The following AK5 variants were observed in gnomAD, a reference collection of about 807,000 sequenced individuals.
AK5 encodes adenylate kinase isoenzyme 5.
Under a neutral mutation model 69.5 loss-of-function variants are expected in AK5, and 27 were observed. The observed-to-expected ratio is 0.39, with a 90% CI of 0.29 to 0.54. AK5 has a LOEUF of 0.54. AK5 is among the 20% of genes least tolerant of loss of function. The probability of loss-of-function intolerance (pLI) is 0.71; values close to 1 mark genes in which losing one functional copy is unlikely to be tolerated. For missense variants in AK5, 531 were observed against 700.4 expected (o/e 0.76, Z 2.73); for synonymous variants, 260 against 244.4 (o/e 1.06, Z -0.60).
intron 6 of AK5, among the ~76,000 whole-genome samples, chr1:77,409,759 TC>T (rs1383328525): frequency 1.3e-5 from 2 of 152,238 alleles, no homozygotes; most frequent in African/African-American, 4.8e-5. Flanking sequence ...ATCCCACTTG[TC>T]AATTTTTGCT....
intron 5 of AK5, among the ~76,000 whole-genome samples, chr1:77,307,855 A>G (rs937030847): frequency 6.6e-6 from 1 of 152,194 alleles, no homozygotes; most frequent in African/African-American, 2.4e-5. Flanking sequence ...TTTCAGCAAT[A>G]TGAAGTTAAA....
At chr1:77,489,795 T>C (rs572812192) in intron 10 of AK5, among the ~76,000 whole-genome samples, 1 of 152,194 alleles carries the variant, frequency 6.6e-6, no homozygotes, top group Non-Finnish European at 1.5e-5. Context: ...AGGTCCAGAC[T>C]TCTTAGACTG....
intron 10 of AK5, among the ~76,000 whole-genome samples, chr1:77,504,386 A>G (rs1656907622): frequency 6.6e-6 from 1 of 152,036 alleles, no homozygotes; most frequent in Non-Finnish European, 1.5e-5. Flanking sequence ...CTGGGAATGA[A>G]TACTATTAGT....
At position 77,486,556 on chromosome 1, in the gene AK5, G is replaced by A. The variant is rs574662659; in HGVS notation, c.1147+204G>A. ...TAAAAATACAAAAAAAAATTAGCCG[G>A]GCATGGTGGCGGGCGCCTGTAGTCC... On this transcript the variant is annotated intron_variant, in intron 10 of 13. Transcript: ENST00000354567. 5.8e-4 allele frequency among the ~76,000 whole-genome samples: 88 copies of A among 151,856 alleles called. 1 individual carries two copies. The South Asian group carries it at 0.018, about 31-fold the overall frequency.
At chr1:77,429,759 G>C (rs575816794) in intron 8 of AK5, among the ~76,000 whole-genome samples, 1 of 152,108 alleles carries the variant, frequency 6.6e-6, no homozygotes. Context: ...GCACCTGGCG[G>C]GCAAGAGATT....
At chr1:77,476,977 CT>C (rs1449706615) in intron 8 of AK5, among the ~76,000 whole-genome samples, 1 of 148,630 alleles carries the variant, frequency 6.7e-6, no homozygotes, top group Non-Finnish European at 1.5e-5. Context: ...AGGAAATAGC[CT>C]GATCTATTTT....
chr1:77,315,677 A>G (rs1660208151), intron 5 of AK5, among the ~76,000 whole-genome samples: 2 of 152,154 alleles, frequency 1.3e-5, no homozygotes, highest in South Asian at 4.1e-4. Flanking sequence ...ATCACAAAAT[A>G]TGTAGCTCCT....
At chr1:77,301,417 G>A (rs187613412) in intron 5 of AK5, among the ~76,000 whole-genome samples, 4 of 152,208 alleles carry the variant, frequency 2.6e-5, no homozygotes, top group African/African-American at 7.2e-5. Context: ...TGAGAGGAAG[G>A]CCGGGAAGTA....
In AK5 at chr1:77,522,531, CG is replaced by C. The variant is rs368339930; in HGVS notation, c.1428+593del. On this transcript the variant is annotated intron_variant, in intron 12 of 13. Coordinates refer to ENST00000354567, the MANE Select transcript of AK5 (RefSeq NM_174858.3). ...AAGTAGGGCTGCCCTTACAAGAAGA[CG>C]GGGGAATGGGTGCTGGACAGGCAGA... Among the ~76,000 whole-genome samples the C allele has an allele frequency of 3.7e-3, 568 of 152,236 alleles. 6 individuals are homozygous for C. The highest frequency in any genetic ancestry group is 0.013 in the African/African-American group (548 of 41,528).
chr1:77,353,311 C>T (rs1662313753), intron 6 of AK5, among the ~76,000 whole-genome samples: 1 of 151,932 alleles, frequency 6.6e-6, no homozygotes, highest in Non-Finnish European at 1.5e-5. Flanking sequence ...AATCCTGTCT[C>T]TACTAAAAAT....
rs1658889327 is a variant in AK5, at chr1:77,294,736, TCACAAGGAATA to T, written c.415+777_415+787del. ...ATGGAATTATCGGCCCCATGACATT[TCACAAGGAATA>T]TAAAATGAAAATGTTTTAAATATTT... On this transcript the variant is annotated intron_variant, in intron 3 of 13. Transcript: ENST00000354567. 5.9e-5 allele frequency among the ~76,000 whole-genome samples: 9 copies of T among 152,282 alleles called. No homozygotes were observed. The South Asian group carries it at 1.9e-3, about 32-fold the overall frequency.
intron 9 of AK5, among the ~76,000 whole-genome samples, chr1:77,485,691 G>A (rs1570239305): frequency 2.0e-5 from 3 of 152,324 alleles, no homozygotes; most frequent in Admixed American, 2.0e-4. Context: ...AACTGAGATA[G>A]TTAGGATGAT....
At chr1:77,501,883 A>G (rs1656741940) in intron 10 of AK5, among the ~76,000 whole-genome samples, 1 of 152,204 alleles carries the variant, frequency 6.6e-6, no homozygotes, top group Non-Finnish European at 1.5e-5. Flanking sequence ...AAAATCAGAG[A>G]CTGTGCCTAT....
intron 6 of AK5, among the ~76,000 whole-genome samples, chr1:77,345,058 G>T (rs1051896648): frequency 3.3e-5 from 5 of 150,484 alleles, no homozygotes; most frequent in African/African-American, 4.9e-5. Flanking sequence ...TCAAAACTTT[G>T]TGCCATTAGA....
chr1:77,467,077 G>T (rs116666188), intron 8 of AK5, among the ~76,000 whole-genome samples: 1 of 152,192 alleles, frequency 6.6e-6, no homozygotes, highest in African/African-American at 2.4e-5. Context: ...GCATCAAATT[G>T]TAACTCTCCC....
At chr1:77,418,031 A>T (rs1249653638) in intron 8 of AK5, among the ~76,000 whole-genome samples, 1 of 152,182 alleles carries the variant, frequency 6.6e-6, no homozygotes, top group Non-Finnish European at 1.5e-5. Flanking sequence ...TAATAAACTA[A>T]TAATATTTAC....
chr1:77,313,840 C>T (rs1451141780), intron 5 of AK5: 1 of 533,088 alleles, frequency 1.9e-6, no homozygotes, highest in Non-Finnish European at 3.8e-6. Flanking sequence ...GTCAGATCCT[C>T]TCCCTTACGC....
chr1:77,441,168 G>C (rs1557595782), intron 8 of AK5, among the ~76,000 whole-genome samples: 2 of 152,026 alleles, frequency 1.3e-5, no homozygotes, highest in Non-Finnish European at 2.9e-5. Flanking sequence ...TGATATCTCT[G>C]TTGTACTTCT....
At chr1:77,390,029 G>A (rs190725465) in intron 6 of AK5, among the ~76,000 whole-genome samples, 1 of 152,246 alleles carries the variant, frequency 6.6e-6, no homozygotes, top group East Asian at 1.9e-4. Flanking sequence ...TCAAGCCTTT[G>A]GTCTGTCCAA....
Sources: gnomAD v4.1 joint callset for allele counts (sites outside exome capture counted in the v4.1 genomes callset) on GRCh38, gnomAD v4.1.1 for gene constraint, MANE v1.5 for transcripts, NCBI Gene and HGNC (gene_info 2026-07-23, HGNC 2026-07-21) for gene names.